INTU: variants seen among roughly 807,000 people sequenced by gnomAD.
The protein encoded by INTU is protein inturned.
INTU carries 68 observed loss-of-function variants against 100.5 expected under a neutral mutation model. The ratio of observed to expected loss-of-function variants is 0.68; its 90% CI spans 0.56 to 0.83. The LOEUF is 0.83. Among genes scored for constraint, INTU ranks in the 40% least tolerant of loss-of-function variants. INTU has a pLI of 0.00. For missense variants in INTU, 1,071 were observed against 1,114.7 expected (o/e 0.96, Z 0.56); for synonymous variants, 357 against 395.7 (o/e 0.90, Z 1.16).
At chr4:127,664,060 A>G (rs6534633) in intron 4 of INTU, among the ~76,000 whole-genome samples, 66,886 of 151,822 alleles carry the variant, frequency 0.44, 15,608 homozygotes, top group South Asian at 0.66. Context: ...GTTACAATCA[A>G]TCCCCTCCTG....
At chr4:127,658,317 C>A (rs914652708) in intron 3 of INTU, among the ~76,000 whole-genome samples, 1 of 151,092 alleles carries the variant, frequency 6.6e-6, no homozygotes. Flanking sequence ...GAATGGATAG[C>A]GAGATGGAGA....
In INTU at chr4:127,643,892, T is replaced by C. The variant is rs1365414506; in HGVS notation, c.518T>C (p.Ile173Thr). 2 of 1,614,136 alleles carry C rather than the reference T, an allele frequency of 1.2e-6. No individual in the cohort carries two copies. Among genetic ancestry groups the C allele is most frequent in the Non-Finnish European group, 1.7e-6 (2 of 1,180,028 alleles). Residue 173 changes from isoleucine (I) to threonine (T), a missense_variant, in exon 2 of 16, where the codon ATC (isoleucine) becomes ACC (threonine). By Grantham distance (89) the Ile-to-Thr change is moderately conservative. Transcript: ENST00000335251. ...VYVNPKKLTVIKAKEQLKLLE... is the reference protein window; with the variant it reads ...VYVNPKKLTVTKAKEQLKLLE... The stretch of plus-strand genomic sequence containing the variant: ...GTAAACCCCAAAAAGCTAACTGTTA[T>C]CAAAGCCAAAGAGCAGCTCAAGCTT...
chr4:127,714,286 CA>C (rs1731189274), intron 15 of INTU, among the ~76,000 whole-genome samples, 193 bp downstream of exon 15: 1 of 151,790 alleles, frequency 6.6e-6, no homozygotes, highest in South Asian at 2.1e-4. Context: ...AATTATCTTA[CA>C]AAATTAAATT....
intron 6 of INTU, among the ~76,000 whole-genome samples, chr4:127,676,534 T>G (rs946844066): frequency 4.7e-5 from 7 of 149,098 alleles, no homozygotes; most frequent in African/African-American, 1.7e-4. Context: ...TGCAGTTAGC[T>G]GTGATGCTGC....
chr4:127,694,624 C>G (rs1230534975), intron 8 of INTU, among the ~76,000 whole-genome samples: 2 of 152,034 alleles, frequency 1.3e-5, no homozygotes, highest in South Asian at 4.1e-4. Flanking sequence ...CTCCCATGTT[C>G]TAGGAATTTT....
rs1365620505 is a variant in INTU, at chr4:127,713,920, A to G, written c.2560-16A>G. 6.4e-7 allele frequency: 1 copy of G among 1,560,078 alleles called. No homozygotes were observed. The highest frequency in any genetic ancestry group is 8.8e-7 in the Non-Finnish European group (1 of 1,138,802). ...GGTAATACCAGTTAATACTAACAAT[A>G]CCTATTAATTTACAGAAAAAGAAAG... On this transcript the variant is annotated splice_polypyrimidine_tract_variant and intron_variant, in intron 14 of 15. Transcript: ENST00000335251.
intron 8 of INTU, chr4:127,699,485 A>C (rs1156455786): frequency 1.3e-5 from 2 of 152,244 alleles, no homozygotes; most frequent in African/African-American, 4.8e-5. Flanking sequence ...ACAACCCTTG[A>C]ATGCAAAACG....
rs1210446776 is a variant in INTU, at chr4:127,720,695, CTCT to C, written c.*4264_*4266del. 3.3e-5 allele frequency: 5 copies of C among 152,080 alleles called. No homozygotes were observed. The highest frequency in any genetic ancestry group is 5.9e-5 in the Non-Finnish European group (4 of 68,004). The allele number at this position is 152,080 out of a possible 1,614,324, so 9.4% of individuals were successfully genotyped here. A position where few individuals can be genotyped will look rare whatever the true frequency, so the allele number is the denominator to read the frequency against. On this transcript the variant is annotated 3_prime_UTR_variant, in exon 16 of 16. Transcript: ENST00000335251. Reference sequence around the variant, plus strand: ...GTGCATATATATTTAGGATAGTTAGCTCTTCTTGTTGAATTGACCCCTTTACCA... The same window carrying C: ...GTGCATATATATTTAGGATAGTTAGCTCTTGTTGAATTGACCCCTTTACCA...
intron 2 of INTU, among the ~76,000 whole-genome samples, chr4:127,650,807 C>T (rs1291066070): frequency 6.6e-6 from 1 of 151,850 alleles, no homozygotes; most frequent in African/African-American, 2.4e-5. Context: ...CTGACTTCCA[C>T]AATGGTTGAA....
rs1731300316 is a variant in INTU, at chr4:127,718,415, G to C, written c.*1979G>C. On this transcript the variant is annotated 3_prime_UTR_variant, in exon 16 of 16. Transcript: ENST00000335251. ...ACAGTACAGTTTGAAGTTTGGTAGT[G>C]TGATGCCTCCAGCTTTGATCTTTTG... 6.6e-6 allele frequency: 1 copy of C among 152,298 alleles called. No homozygotes were observed. Among genetic ancestry groups the C allele is most frequent in the East Asian group, 1.9e-4 (1 of 5,186 alleles). 9.4% of individuals were successfully genotyped at this position (152,298 alleles called of 1,614,324 possible).
chr4:127,720,578 G>A lies in INTU; in HGVS notation c.*4142G>A, dbSNP rs996894953. On this transcript the variant is annotated 3_prime_UTR_variant, in exon 16 of 16. Transcript: ENST00000335251. ...GATGATCTAATATTGACAGTGGGGTGTTAAAGTCTCCCACTATTATTGTGT... is the reference window on the plus strand; with the variant it reads ...GATGATCTAATATTGACAGTGGGGTATTAAAGTCTCCCACTATTATTGTGT... 1.3e-5 allele frequency: 2 copies of A among 152,150 alleles called. No individual in the cohort carries two copies. Among genetic ancestry groups the A allele is most frequent in the Non-Finnish European group, 2.9e-5 (2 of 68,024 alleles). 9.4% of individuals were successfully genotyped at this position (152,150 alleles called of 1,614,324 possible). A position where few individuals can be genotyped will look rare whatever the true frequency, so the allele number is the denominator to read the frequency against.
intron 7 of INTU, chr4:127,687,165 G>A (rs1729865143): frequency 6.6e-6 from 1 of 152,246 alleles, no homozygotes; most frequent in African/African-American, 2.4e-5. Context: ...ATGTGAGCTA[G>A]ATTGTATTAA....
intron 11 of INTU, 61 bp downstream of exon 11, chr4:127,705,873 C>A (rs1032722308): frequency 1.4e-6 from 2 of 1,390,366 alleles, no homozygotes; most frequent in South Asian, 2.5e-5. Flanking sequence ...TTTTTCTTTT[C>A]GGCAGGGGTT....
rs766130040 is a variant in INTU, at chr4:127,714,043, CTG to C, written c.2668_2669del (p.Trp890AspfsTer2). The C allele has an allele frequency of 6.2e-7, 1 of 1,613,540 alleles. No homozygotes were observed. The highest frequency in any genetic ancestry group is 8.5e-7 in the Non-Finnish European group (1 of 1,179,796). On this transcript the variant is annotated frameshift_variant, in exon 15 of 16. Transcript: ENST00000335251. LOFTEE classifies it high-confidence loss of function. The stretch of plus-strand genomic sequence containing the variant: ...TGTTGTTTGAATGTTCACCTGGAAA[CTG>C]GACTGATCAGAAAAAAGCACCACCA... ...GVLFECSPGN[W>X]TDQKKAPPVM...
chr4:127,653,355 A>G (rs1427079052), intron 2 of INTU, among the ~76,000 whole-genome samples: 4 of 136,880 alleles, frequency 2.9e-5, no homozygotes, highest in African/African-American at 5.7e-5. Context: ...TCTTGTGGGC[A>G]TTTAGTGCTA....
Position 127,717,192 on chromosome 4 carries a change from A to G in INTU, c.*756A>G, listed in dbSNP as rs1197545318. On this transcript the variant is annotated 3_prime_UTR_variant, in exon 16 of 16. Coordinates refer to ENST00000335251, the MANE Select transcript of INTU (RefSeq NM_015693.4). ...GTGCATTGTTCCCCTCCCTTTGTCCATGTGTTCTCATGGTCAGCTCCCACT... is the reference window on the plus strand; with the variant it reads ...GTGCATTGTTCCCCTCCCTTTGTCCGTGTGTTCTCATGGTCAGCTCCCACT... 6.6e-6 allele frequency: 1 copy of G among 151,840 alleles called. No homozygotes were observed. Among genetic ancestry groups the G allele is most frequent in the Non-Finnish European group, 1.5e-5 (1 of 67,970 alleles). 9.4% of individuals were successfully genotyped at this position (151,840 alleles called of 1,614,324 possible). A position where few individuals can be genotyped will look rare whatever the true frequency, so the allele number is the denominator to read the frequency against.
chr4:127,662,420 T>C (rs1183332545), intron 3 of INTU, among the ~76,000 whole-genome samples: 2 of 152,214 alleles, frequency 1.3e-5, no homozygotes, highest in East Asian at 3.8e-4. Flanking sequence ...TTTAAGTCTT[T>C]AATCCATCTT....
chr4:127,707,413 A>AAAAAG, intron 12 of INTU, among the ~76,000 whole-genome samples: 1 of 151,234 alleles, frequency 6.6e-6, no homozygotes, highest in South Asian at 2.1e-4. Context: ...AAAAAAAAAA[A>AAAAAG]AAAAGAAATA....
intron 11 of INTU, among the ~76,000 whole-genome samples, chr4:127,706,058 G>A (rs1730866340): frequency 6.6e-6 from 1 of 152,100 alleles, no homozygotes; most frequent in South Asian, 2.1e-4. Flanking sequence ...TAAAGTCTAA[G>A]AAAATATTTT....
Sources: allele counts gnomAD v4.1 joint callset (sites outside exome capture counted in the v4.1 genomes callset), GRCh38; gene constraint gnomAD v4.1.1; transcripts MANE v1.5; gene names NCBI Gene and HGNC (gene_info 2026-07-23, HGNC 2026-07-21).